The following CNBD1 variants were observed in gnomAD, a reference collection of about 807,000 sequenced individuals.
CNBD1 encodes the protein cyclic nucleotide-binding domain-containing protein 1.
CNBD1 carries 71 observed loss-of-function variants against 54.4 expected under a neutral mutation model. The observed-to-expected ratio is 1.30, with a 90% CI of 1.08 to 1.59. CNBD1 has a LOEUF of 1.59. Among genes scored for constraint, CNBD1 ranks in the 40% most tolerant of loss-of-function variants. The pLI, the probability that CNBD1 is intolerant of heterozygous loss-of-function variation, is 0.00. For synonymous variants in CNBD1, 182 were observed against 170.7 expected (o/e 1.07, Z -0.51); for missense variants, 659 against 518.0 (o/e 1.27, Z -2.64).
intron 4 of CNBD1, among the ~76,000 whole-genome samples, chr8:87,144,970 T>C (rs1387785361): frequency 6.6e-6 from 1 of 152,048 alleles, no homozygotes; most frequent in Non-Finnish European, 1.5e-5. Flanking sequence ...TTAAGAAATA[T>C]GTATGCTAAA....
intron 2 of CNBD1, among the ~76,000 whole-genome samples, chr8:86,888,854 T>C (rs1808718911): frequency 6.6e-6 from 1 of 152,086 alleles, no homozygotes; most frequent in African/African-American, 2.4e-5. Flanking sequence ...TTCAAAATAC[T>C]TCTAGTTTTT....
intron 8 of CNBD1, among the ~76,000 whole-genome samples, chr8:87,350,873 G>C (rs185767954): frequency 3.3e-5 from 5 of 151,952 alleles, no homozygotes; most frequent in African/African-American, 1.2e-4. Flanking sequence ...TAGATCAAGG[G>C]ATTTTTATTT....
At chr8:87,177,046 T>C (rs1023175315) in intron 4 of CNBD1, among the ~76,000 whole-genome samples, 8 of 152,172 alleles carry the variant, frequency 5.3e-5, no homozygotes, top group South Asian at 2.1e-4. Context: ...TTTAACTAAA[T>C]AATAAGAAAA....
intron 1 of CNBD1, among the ~76,000 whole-genome samples, chr8:86,880,356 A>G (rs1808589063): frequency 6.6e-6 from 1 of 152,090 alleles, no homozygotes; most frequent in Non-Finnish European, 1.5e-5. Context: ...AAAACGTAAT[A>G]CTACAATAAA....
chr8:87,097,881 A>G (rs1433997751), intron 4 of CNBD1, among the ~76,000 whole-genome samples: 1 of 152,198 alleles, frequency 6.6e-6, no homozygotes, highest in African/African-American at 2.4e-5. Context: ...GAGTCATCAT[A>G]ATTCTGACTG....
chr8:87,153,936 T>C (rs1481374153), intron 4 of CNBD1, among the ~76,000 whole-genome samples: 1 of 152,038 alleles, frequency 6.6e-6, no homozygotes, highest in African/African-American at 2.4e-5. Flanking sequence ...TAAAATTATA[T>C]GGGAAGGCCA....
chr8:87,306,991 A>T (rs1188773121), intron 8 of CNBD1, among the ~76,000 whole-genome samples: 1 of 152,210 alleles, frequency 6.6e-6, no homozygotes, highest in South Asian at 2.1e-4. Flanking sequence ...AAATAAATAA[A>T]TGACCTAACC....
chr8:87,261,302 T>C (rs1309164532), intron 6 of CNBD1, among the ~76,000 whole-genome samples: 6 of 152,078 alleles, frequency 3.9e-5, no homozygotes, highest in Admixed American at 2.6e-4. Flanking sequence ...TGGACACAAA[T>C]GGGTCCTGCA....
chr8:87,032,905 C>T (rs1259741624), intron 4 of CNBD1, among the ~76,000 whole-genome samples: 1 of 152,156 alleles, frequency 6.6e-6, no homozygotes, highest in Non-Finnish European at 1.5e-5. Context: ...TCTGTTAATT[C>T]TTCTGGTGTG....
At chr8:87,335,310 A>C (rs1809921806) in intron 8 of CNBD1, among the ~76,000 whole-genome samples, 1 of 152,144 alleles carries the variant, frequency 6.6e-6, no homozygotes, top group Admixed American at 6.5e-5. Flanking sequence ...GGGGTGTTAA[A>C]GTCTCCTACT....
In CNBD1 at chr8:87,083,831, G is replaced by A. The variant is rs575510884; in HGVS notation, c.432-122162G>A. 2.1e-4 allele frequency among the ~76,000 whole-genome samples: 32 copies of A among 151,924 alleles called. No homozygotes were observed. The South Asian group carries it at 5.6e-3, about 27-fold the overall frequency. On this transcript the variant is annotated intron_variant, in intron 4 of 10. Transcript: ENST00000518476. ...TCTTGATCTCATGACCTCGTGATCC[G>A]CCTGCCTCGGCCTCCCAAAGTGCTG...
At chr8:87,093,941 AGG>A (rs1811267017) in intron 4 of CNBD1, among the ~76,000 whole-genome samples, 1 of 152,166 alleles carries the variant, frequency 6.6e-6, no homozygotes, top group East Asian at 1.9e-4. Context: ...GTTCCTTTCT[AGG>A]AACAGAGAAC....
chr8:86,893,141 G>GA (rs1414795720), intron 2 of CNBD1, among the ~76,000 whole-genome samples: 1 of 152,136 alleles, frequency 6.6e-6, no homozygotes, highest in Non-Finnish European at 1.5e-5. Flanking sequence ...TGGGATGGCA[G>GA]AAAATGTGGG....
chr8:87,250,807 G>T (rs1171763254), intron 6 of CNBD1, among the ~76,000 whole-genome samples: 4 of 152,184 alleles, frequency 2.6e-5, no homozygotes, highest in Admixed American at 6.5e-5. Flanking sequence ...GTGGAATGAT[G>T]TTTGTCAGAG....
At chr8:87,423,446 T>A (rs1219418432) in intron 2 of CNBD1, among the ~76,000 whole-genome samples, 1 of 151,844 alleles carries the variant, frequency 6.6e-6, no homozygotes, top group East Asian at 1.9e-4. Context: ...TTGAAATATG[T>A]CCCATCAGTA....
At chr8:86,948,183 C>T (rs994826289) in intron 4 of CNBD1, among the ~76,000 whole-genome samples, 1 of 152,080 alleles carries the variant, frequency 6.6e-6, no homozygotes, top group African/African-American at 2.4e-5. Context: ...TAGGCTGCTT[C>T]CAAATCTTGG....
chr8:87,392,703 G>T (rs1811332396), intron 2 of CNBD1, among the ~76,000 whole-genome samples: 1 of 151,874 alleles, frequency 6.6e-6, no homozygotes, highest in African/African-American at 2.4e-5. Flanking sequence ...TTCTTTTGGG[G>T]GTGACAAAAA....
At chr8:86,989,304 A>AATACATAC (rs60755421) in intron 4 of CNBD1, among the ~76,000 whole-genome samples, 49,417 of 149,004 alleles carry the variant, frequency 0.33, 8,395 homozygotes, top group Middle Eastern at 0.38. Flanking sequence ...AAAACAAATA[A>AATACATAC]ATACATACAT....
At chr8:87,009,691 C>T (rs991149525) in intron 4 of CNBD1, among the ~76,000 whole-genome samples, 1 of 152,164 alleles carries the variant, frequency 6.6e-6, no homozygotes, top group Non-Finnish European at 1.5e-5. Context: ...TTCATTTCCT[C>T]CTGCATTTCT....
Sources: gnomAD v4.1 joint callset for allele counts (sites outside exome capture counted in the v4.1 genomes callset) on GRCh38, gnomAD v4.1.1 for gene constraint, MANE v1.5 for transcripts, NCBI Gene and HGNC (gene_info 2026-07-23, HGNC 2026-07-21) for gene names.